ERBB4: variants seen among roughly 807,000 people sequenced by gnomAD.
ERBB4 encodes the protein erb-b2 receptor tyrosine kinase 4, also known as receptor tyrosine-protein kinase erbB-4.
Under a neutral mutation model 158.0 loss-of-function variants are expected in ERBB4, and 42 were observed. The observed-to-expected ratio is 0.27, with a 90% CI of 0.21 to 0.34. ERBB4 has a LOEUF of 0.34. Ranked by LOEUF, ERBB4 falls within the 10% of genes least tolerant of loss-of-function variation. ERBB4 has a pLI of 1.00. For synonymous variants in ERBB4, 583 were observed against 558.7 expected (o/e 1.04, Z -0.61); for missense variants, 1,333 against 1,624.1 (o/e 0.82, Z 3.08).
intron 2 of ERBB4, among the ~76,000 whole-genome samples, chr2:212,070,177 T>A (rs572093552): frequency 6.6e-6 from 1 of 152,110 alleles, no homozygotes; most frequent in African/African-American, 2.4e-5. Context: ...ATTAAAAACT[T>A]ACTATATATT....
intron 20 of ERBB4, among the ~76,000 whole-genome samples, chr2:211,449,171 T>C (rs146327073): frequency 2.3e-4 from 35 of 152,256 alleles, no homozygotes; most frequent in African/African-American, 7.9e-4. Context: ...ACCTTTTGGC[T>C]GAACTAGATA....
At chr2:211,915,862 T>A (rs1236193526) in intron 3 of ERBB4, among the ~76,000 whole-genome samples, 2 of 151,866 alleles carry the variant, frequency 1.3e-5, no homozygotes, top group African/African-American at 4.8e-5. Context: ...ATCCCTGTTA[T>A]TTTTTTGAAA....
chr2:212,147,903 C>T (rs935845033), intron 1 of ERBB4, among the ~76,000 whole-genome samples: 10 of 152,076 alleles, frequency 6.6e-5, no homozygotes, highest in African/African-American at 2.4e-4. Flanking sequence ...CCTGTGGTCC[C>T]TTTTCTGTGA....
At chr2:211,500,442 A>C (rs1272330950) in intron 20 of ERBB4, among the ~76,000 whole-genome samples, 1 of 152,138 alleles carries the variant, frequency 6.6e-6, no homozygotes, top group Non-Finnish European at 1.5e-5. Flanking sequence ...CACAGTCAAG[A>C]TAATTTATTT....
chr2:211,922,812 G>A (rs1320491479), intron 3 of ERBB4, among the ~76,000 whole-genome samples: 1 of 152,098 alleles, frequency 6.6e-6, no homozygotes, highest in East Asian at 1.9e-4. Context: ...GAAGCAAGGG[G>A]AGTCAGTCAT....
intron 2 of ERBB4, among the ~76,000 whole-genome samples, chr2:211,970,361 T>C (rs1385009446): frequency 6.6e-6 from 1 of 152,174 alleles, no homozygotes; most frequent in African/African-American, 2.4e-5. Flanking sequence ...GTATATTCTG[T>C]TGTTTTGTGG....
intron 1 of ERBB4, among the ~76,000 whole-genome samples, chr2:212,347,846 T>C (rs1574738272): frequency 1.3e-5 from 2 of 152,220 alleles, no homozygotes; most frequent in South Asian, 2.1e-4. Flanking sequence ...GAATAAGTTT[T>C]AGTGGTCTGG....
At chr2:212,126,618 A>G (rs2079938648) in intron 1 of ERBB4, among the ~76,000 whole-genome samples, 1 of 152,150 alleles carries the variant, frequency 6.6e-6, no homozygotes, top group African/African-American at 2.4e-5. Flanking sequence ...TTATAAATCT[A>G]TTAATAATGG....
chr2:212,080,948 C>G (rs1300363386), intron 2 of ERBB4, among the ~76,000 whole-genome samples: 1 of 152,136 alleles, frequency 6.6e-6, no homozygotes, highest in Non-Finnish European at 1.5e-5. Flanking sequence ...TAAAGGTGTT[C>G]TAAAAATATT....
At chr2:212,403,388 T>C (rs192536469) in intron 1 of ERBB4, among the ~76,000 whole-genome samples, 2 of 152,196 alleles carry the variant, frequency 1.3e-5, no homozygotes, top group East Asian at 3.9e-4. Context: ...GCAGTCTCAC[T>C]GCTGCATATC....
chr2:212,219,969 A>AAAAAG (rs1559774670), intron 1 of ERBB4, among the ~76,000 whole-genome samples: 1 of 149,990 alleles, frequency 6.7e-6, no homozygotes, highest in Non-Finnish European at 1.5e-5. Flanking sequence ...AAAAAAAAAA[A>AAAAAG]GTGGGATTTT....
chr2:212,045,841 C>T (rs559173281), intron 2 of ERBB4, among the ~76,000 whole-genome samples: 7 of 152,154 alleles, frequency 4.6e-5, no homozygotes, highest in Non-Finnish European at 1.0e-4. Flanking sequence ...TCACATTTCC[C>T]GATGCTTCAT....
At chr2:212,341,362 A>T (rs947417201) in intron 1 of ERBB4, among the ~76,000 whole-genome samples, 2 of 152,002 alleles carry the variant, frequency 1.3e-5, no homozygotes, top group African/African-American at 4.8e-5. Flanking sequence ...AAATGTCTTA[A>T]ATTTTTTTTT....
chr2:211,811,976 C>T (rs189820826), intron 3 of ERBB4, among the ~76,000 whole-genome samples: 70 of 152,174 alleles, frequency 4.6e-4, no homozygotes, highest in African/African-American at 1.6e-3. Context: ...CAAACATCCT[C>T]CTTTAGCATG....
intron 19 of ERBB4, among the ~76,000 whole-genome samples, chr2:211,569,111 C>G (rs1559304779): frequency 6.6e-6 from 1 of 152,172 alleles, no homozygotes; most frequent in Admixed American, 6.5e-5. Context: ...ACAATCAGAT[C>G]AGGACTCTTC....
intron 1 of ERBB4, among the ~76,000 whole-genome samples, chr2:212,333,527 G>GAAA (rs80161582): frequency 7.3e-6 from 1 of 137,014 alleles, no homozygotes. Flanking sequence ...GAAAAAATAC[G>GAAA]AAAAAAAAAA....
At chr2:211,874,858 A>G (rs1471975991) in intron 3 of ERBB4, among the ~76,000 whole-genome samples, 2 of 152,008 alleles carry the variant, frequency 1.3e-5, no homozygotes, top group East Asian at 3.9e-4. Flanking sequence ...TATAAATCAC[A>G]TTTTTCCTGC....
intron 20 of ERBB4, among the ~76,000 whole-genome samples, chr2:211,497,154 A>C (rs1474963885): frequency 2.6e-5 from 4 of 152,150 alleles, no homozygotes; most frequent in African/African-American, 9.6e-5. Context: ...TAAAAATGGC[A>C]AAATCTAAAT....
In ERBB4 at chr2:212,439,499, G is replaced by GA. The variant is rs200020083; in HGVS notation, c.82+98949dup. 3.6e-4 allele frequency among the ~76,000 whole-genome samples: 52 copies of GA among 146,186 alleles called. No individual in the cohort carries two copies. The East Asian group carries it at 7.1e-3, about 20-fold the overall frequency. ...TTCTAGGATATACCTTTCTCCCCAT[G>GA]AAAAAAAAATCTACACATTCAGGTT... On this transcript the variant is annotated intron_variant, in intron 1 of 27. Transcript: ENST00000342788.
Sources: gnomAD v4.1 joint callset for allele counts (sites outside exome capture counted in the v4.1 genomes callset) on GRCh38, gnomAD v4.1.1 for gene constraint, MANE v1.5 for transcripts, NCBI Gene and HGNC (gene_info 2026-07-23, HGNC 2026-07-21) for gene names.